The following RIPOR1 variants were observed in gnomAD, a reference collection of about 807,000 sequenced individuals.
RIPOR1 encodes RHO family interacting cell polarization regulator 1, also known as rho family-interacting cell polarization regulator 1.
A neutral mutation model predicts 116.5 loss-of-function variants in RIPOR1; 58 were observed. The ratio of observed to expected loss-of-function variants is 0.50; its 90% CI spans 0.40 to 0.62. RIPOR1 has a LOEUF of 0.62. Ranked by LOEUF, RIPOR1 falls within the 20% of genes least tolerant of loss-of-function variation. The pLI, the probability that RIPOR1 is intolerant of heterozygous loss-of-function variation, is 0.00. For synonymous variants in RIPOR1, 605 were observed against 650.0 expected (o/e 0.93, Z 1.05); for missense variants, 1,372 against 1,586.2 (o/e 0.86, Z 2.29).
chr16:67,537,628 A>C lies in RIPOR1; in HGVS notation c.-23-796A>C, dbSNP rs2050831817. On this transcript the variant is annotated intron_variant, in intron 1 of 21. Transcript: ENST00000042381. This position sits in a 1 kb window ranked among gnomAD's most constrained non-coding sequence, Gnocchi z 4.6. The stretch of plus-strand genomic sequence containing the variant: ...ACCCAGCTCGGGGCTGCGAAAGCTC[A>C]GGGACTGGCCCCAGGGGAAGCAGGC... The C allele has an allele frequency of 4.4e-4, 603 of 1,363,754 alleles. No homozygotes were observed. The highest frequency in any genetic ancestry group is 5.3e-4 in the Non-Finnish European group (548 of 1,043,398). 84.5% of individuals were successfully genotyped at this position (1,363,754 alleles called of 1,614,324 possible).
chr16:67,530,922 A>G lies in RIPOR1; in HGVS notation c.-24+2008A>G, dbSNP rs1045039354. 6.6e-6 allele frequency among the ~76,000 whole-genome samples: 1 copy of G among 152,014 alleles called. No homozygotes were observed. Among genetic ancestry groups the G allele is most frequent in the African/African-American group, 2.4e-5 (1 of 41,368 alleles). On this transcript the variant is annotated intron_variant, in intron 1 of 21. Coordinates refer to ENST00000042381, the MANE Select transcript of RIPOR1 (RefSeq NM_024519.4). The surrounding 1 kb of genome is among the most constrained non-coding windows in gnomAD (Gnocchi z 4.5). ...GCTCAAGGGGTTCAGCTCTTTCCCTACCTGCTCTCACCCAGCAAGGGCAAT... is the reference window on the plus strand; with the variant it reads ...GCTCAAGGGGTTCAGCTCTTTCCCTGCCTGCTCTCACCCAGCAAGGGCAAT...
Position 67,539,728 on chromosome 16 carries a change from G to A in RIPOR1, c.337G>A (p.Gly113Ser). 7 of 1,614,096 alleles carry A rather than the reference G, an allele frequency of 4.3e-6. No homozygotes were observed. The highest frequency in any genetic ancestry group is 5.9e-6 in the Non-Finnish European group (7 of 1,180,000). The part of the protein sequence containing the change: ...IRESKRNSRL[G>S]FLYDLDKQVK... ...TTGCCCCTTCTCCCCACCCCTGCAG[G>A]GCTTCCTGTATGATCTGGACAAGGT... Residue 113 changes from glycine (G) to serine (S), a missense_variant and splice_region_variant, in exon 5 of 22, where the codon GGC becomes AGC. Gly to Ser is a moderately conservative substitution (Grantham distance 56). Around this residue, in one of 3 missense-constraint regions of RIPOR1, gnomAD observed 202 missense variants for 295.9 expected, o/e 0.68. Coordinates refer to ENST00000042381, the MANE Select transcript of RIPOR1 (RefSeq NM_024519.4).
Position 67,539,438 on chromosome 16 carries a change from C to T in RIPOR1, c.337-290C>T, listed in dbSNP as rs1597641087. ...CCGGGGCTTGATGGGAGTTCCCCTG[C>T]AGAGGGAACCTTGCACAAGGAAGCA... is the stretch of plus-strand genomic sequence containing the variant. On this transcript the variant is annotated intron_variant, in intron 4 of 21. Coordinates refer to ENST00000042381, the MANE Select transcript of RIPOR1 (RefSeq NM_024519.4). 7.3e-6 allele frequency: 4 copies of T among 547,556 alleles called. No homozygotes were observed. The South Asian group carries it at 8.2e-5, about 11-fold the overall frequency. 33.9% of individuals were successfully genotyped at this position (547,556 alleles called of 1,614,324 possible). A position where few individuals can be genotyped will look rare whatever the true frequency, so the allele number is the denominator to read the frequency against.
At chr16:67,535,329 G>T (rs1401515328) in intron 1 of RIPOR1, among the ~76,000 whole-genome samples, 1 of 152,196 alleles carries the variant, frequency 6.6e-6, no homozygotes, top group Non-Finnish European at 1.5e-5. Flanking sequence ...AAGACCTCTG[G>T]CAACTCCTGC....
At chr16:67,533,544 G>A (rs911055535) in intron 1 of RIPOR1, among the ~76,000 whole-genome samples, 6 of 151,814 alleles carry the variant, frequency 4.0e-5, no homozygotes, top group African/African-American at 1.5e-4. Flanking sequence ...AAGAGGAGGG[G>A]AACCACGAAG....
At chr16:67,521,510 T>C (rs913532724) in intron 1 of RIPOR1, among the ~76,000 whole-genome samples, 1 of 152,166 alleles carries the variant, frequency 6.6e-6, no homozygotes, top group Non-Finnish European at 1.5e-5. Flanking sequence ...AGGGGAGCAG[T>C]TCATCCCATG....
In RIPOR1 at chr16:67,529,679, C is replaced by A; in HGVS notation, c.-24+765C>A. The A allele has an allele frequency of 7.4e-7, 1 of 1,352,884 alleles. No individual in the cohort carries two copies. The allele number at this position is 1,352,884 out of a possible 1,614,324, so 83.8% of individuals were successfully genotyped here. Reference sequence around the variant, plus strand: ...GCCTCCCCTACAGACCCTCCCCAGCCAGTTCTAACGTGTGTCCAGGCTGGC... The same window carrying A: ...GCCTCCCCTACAGACCCTCCCCAGCAAGTTCTAACGTGTGTCCAGGCTGGC... On this transcript the variant is annotated intron_variant, in intron 1 of 21. Transcript: ENST00000042381. This position sits in a 1 kb window ranked among gnomAD's most constrained non-coding sequence, Gnocchi z 4.1.
At chr16:67,525,416 C>T (rs2050531376), upstream of RIPOR1, among the ~76,000 whole-genome samples, 1 of 152,120 alleles carries the variant, frequency 6.6e-6, no homozygotes, top group South Asian at 2.1e-4. Flanking sequence ...ATGATGTGGC[C>T]CCAGGCACAG....
upstream of RIPOR1, among the ~76,000 whole-genome samples, chr16:67,526,365 A>T (rs2050539917): frequency 6.6e-6 from 1 of 152,124 alleles, no homozygotes; most frequent in South Asian, 2.1e-4. Context: ...CAAGATAAGG[A>T]GGTGAGGTCA....
rs2050587955 is a variant in RIPOR1, at chr16:67,529,157, C to G, written c.-24+243C>G. Among the ~76,000 whole-genome samples the G allele has an allele frequency of 6.6e-6, 1 of 152,222 alleles. No individual in the cohort carries two copies. Among genetic ancestry groups the G allele is most frequent in the South Asian group, 2.1e-4 (1 of 4,838 alleles). On this transcript the variant is annotated intron_variant, in intron 1 of 21. Coordinates refer to ENST00000042381, the MANE Select transcript of RIPOR1 (RefSeq NM_024519.4). The surrounding 1 kb of genome is among the most constrained non-coding windows in gnomAD (Gnocchi z 4.1). ...TGCAGAGCCTGGCGCTGCTGCCTTC[C>G]TCCCACGGCAAGGCCCTGGCGGCCG...
chr16:67,542,032 T>C lies in RIPOR1; in HGVS notation c.1246T>C (p.Phe416Leu), dbSNP rs1272218002. The change falls in exon 13 of 22, where the codon TTC becomes CTC. Residue 416 changes from phenylalanine to leucine, a missense_variant. This residue lies in a region of RIPOR1 where 1,005 missense variants were observed against 1,144.7 expected (regional missense o/e 0.88). Coordinates refer to ENST00000042381, the MANE Select transcript of RIPOR1 (RefSeq NM_024519.4). The surrounding 1 kb of genome is among the most constrained non-coding windows in gnomAD (Gnocchi z 4.6). The part of the protein sequence containing the change: ...QPEPLPIQVA[F>L]RRPETPSSGP... ...CGAGCCCCTTCCCATCCAAGTTGCC[T>C]TCCGCAGGCCTGAGACCCCCAGCTC... is the stretch of plus-strand genomic sequence containing the variant. 1 of 1,608,434 alleles carries C rather than the reference T, an allele frequency of 6.2e-7. No homozygotes were observed. The highest frequency in any genetic ancestry group is 1.3e-5 in the African/African-American group (1 of 74,800).
upstream of RIPOR1, among the ~76,000 whole-genome samples, chr16:67,526,320 G>C (rs2050539512): frequency 6.6e-6 from 1 of 152,192 alleles, no homozygotes; most frequent in Admixed American, 6.5e-5. Flanking sequence ...TGGGAGTGTA[G>C]TGGAAGCCAG....
chr16:67,540,794 C>A lies in RIPOR1; in HGVS notation c.801+90C>A. On this transcript the variant is annotated intron_variant, in intron 10 of 21. Transcript: ENST00000042381. This position sits in a 1 kb window ranked among gnomAD's most constrained non-coding sequence, Gnocchi z 4.7. ...CCTGAGTCCCTTACTCCTGTGATCC[C>A]CTCATAGCTCCATAGCCCTGTGAAG... 7.9e-7 allele frequency: 1 copy of A among 1,263,988 alleles called. No homozygotes were observed. The highest frequency in any genetic ancestry group is 1.1e-6 in the Non-Finnish European group (1 of 902,836). 78.3% of individuals were successfully genotyped at this position (1,263,988 alleles called of 1,614,324 possible). A position where few individuals can be genotyped will look rare whatever the true frequency, so the allele number is the denominator to read the frequency against.
rs1267333948 is a variant in RIPOR1 at position 67,530,530 on chromosome 16, C to G, written c.-24+1616C>G. ...CCAGGTTATTTTTAGCCTCTGTTTACCTCGGTCGGGGCGGCCCCGGGGTGG... is the reference window on the plus strand; with the variant it reads ...CCAGGTTATTTTTAGCCTCTGTTTAGCTCGGTCGGGGCGGCCCCGGGGTGG... On this transcript the variant is annotated intron_variant, in intron 1 of 21. Transcript: ENST00000042381. This position sits in a 1 kb window ranked among gnomAD's most constrained non-coding sequence, Gnocchi z 4.5. Among the ~76,000 whole-genome samples, 1 of 152,174 alleles carries G rather than the reference C, an allele frequency of 6.6e-6. No homozygotes were observed. Among genetic ancestry groups the G allele is most frequent in the East Asian group, 1.9e-4 (1 of 5,184 alleles).
chr16:67,526,675 C>G (rs940603084), upstream of RIPOR1, among the ~76,000 whole-genome samples: 1 of 152,236 alleles, frequency 6.6e-6, no homozygotes, highest in African/African-American at 2.4e-5. Flanking sequence ...AGAGACAACA[C>G]AGTCAGGCAG....
rs1157914170 is a variant in RIPOR1, at chr16:67,542,511, C to T, written c.1725C>T (p.His575=). 3 of 1,613,830 alleles carry T rather than the reference C, an allele frequency of 1.9e-6. No individual in the cohort carries two copies. In the African/African-American group the frequency reaches 4.0e-5, roughly 22 times the overall value. ...CTCACACTACTACAGGCTCCACCCA[C>T]AAGCCCATAATCTCTACCCTTACTA... is the stretch of plus-strand genomic sequence containing the variant. ...PLTHTTTGST[H]KPIISTLTTT... Residue 575 remains histidine (H), a synonymous_variant, in exon 13 of 22, where the codon CAC becomes CAT. Coordinates refer to ENST00000042381, the MANE Select transcript of RIPOR1 (RefSeq NM_024519.4). The surrounding 1 kb of genome is among the most constrained non-coding windows in gnomAD (Gnocchi z 4.6).
intron 1 of RIPOR1, among the ~76,000 whole-genome samples, chr16:67,532,178 C>T (rs562318346): frequency 7.9e-5 from 12 of 152,088 alleles, no homozygotes; most frequent in Non-Finnish European, 1.3e-4. Flanking sequence ...GGATTACAGG[C>T]GTGAGCCACC....
At chr16:67,536,116 T>G (rs964891667) in intron 1 of RIPOR1, among the ~76,000 whole-genome samples, 8 of 152,078 alleles carry the variant, frequency 5.3e-5, no homozygotes, top group African/African-American at 1.9e-4. Context: ...ATGGGCATGG[T>G]GGCATCTATC....
chr16:67,532,739 AC>A (rs147419333), intron 1 of RIPOR1, among the ~76,000 whole-genome samples: 1 of 152,168 alleles, frequency 6.6e-6, no homozygotes, highest in Non-Finnish European at 1.5e-5. Flanking sequence ...AATAGGACTT[AC>A]CCCATAAGGC....
Sources: allele counts gnomAD v4.1 joint callset (sites outside exome capture counted in the v4.1 genomes callset), GRCh38; gene constraint gnomAD v4.1.1; regional missense constraint gnomAD v4.1.1; non-coding constraint Gnocchi (gnomAD v3.1); transcripts MANE v1.5; gene names NCBI Gene and HGNC (gene_info 2026-07-23, HGNC 2026-07-21).